ARHGAP10: variants seen among roughly 807,000 people sequenced by gnomAD.
The protein encoded by ARHGAP10 is Rho GTPase activating protein 10.
In ARHGAP10, 87 loss-of-function variants were observed where a neutral mutation model predicts 108.6. The ratio of observed to expected loss-of-function variants is 0.80; its 90% CI spans 0.67 to 0.96. The LOEUF (loss-of-function observed/expected upper bound fraction) is 0.96. Among genes scored for constraint, ARHGAP10 ranks in the 40% least tolerant of loss-of-function variants. The pLI is 0.00. For missense variants in ARHGAP10, 939 were observed against 954.5 expected (o/e 0.98, Z 0.21); for synonymous variants, 347 against 341.1 (o/e 1.02, Z -0.19).
intron 1 of ARHGAP10, among the ~76,000 whole-genome samples, chr4:147,793,776 C>A (rs78531415): frequency 6.6e-6 from 1 of 152,128 alleles, no homozygotes; most frequent in African/African-American, 2.4e-5. Context: ...TGCCTGTGTA[C>A]GTGCCTTCCC....
intron 18 of ARHGAP10, among the ~76,000 whole-genome samples, chr4:147,977,363 G>T (rs796172979): frequency 6.6e-6 from 1 of 152,074 alleles, no homozygotes; most frequent in African/African-American, 2.4e-5. Context: ...GGTAGTTTGG[G>T]TATATATGGG....
At chr4:147,741,792 G>GCACGCA (rs1553944880) in intron 1 of ARHGAP10, among the ~76,000 whole-genome samples, 3 of 57,576 alleles carry the variant, frequency 5.2e-5, no homozygotes, top group African/African-American at 1.0e-4. Flanking sequence ...ACACACACAC[G>GCACGCA]CACACACACA....
chr4:147,958,938 A>G (rs868208134), intron 16 of ARHGAP10, among the ~76,000 whole-genome samples: 1 of 152,076 alleles, frequency 6.6e-6, no homozygotes, highest in Admixed American at 6.6e-5. Flanking sequence ...TGCCTTTTCC[A>G]CTACAGTAAG....
At chr4:147,887,810 T>C (rs985080106) in intron 10 of ARHGAP10, among the ~76,000 whole-genome samples, 2 of 151,056 alleles carry the variant, frequency 1.3e-5, no homozygotes, top group African/African-American at 4.9e-5. Context: ...TGCAGTGAGC[T>C]GAGATGGCAC....
At chr4:148,068,381 C>A (rs572690963) in intron 22 of ARHGAP10, among the ~76,000 whole-genome samples, 1 of 152,276 alleles carries the variant, frequency 6.6e-6, no homozygotes, top group South Asian at 2.1e-4. Context: ...CTCAGATAGA[C>A]ACAGAATAAT....
At chr4:147,887,824 C>T (rs1340151504) in intron 10 of ARHGAP10, among the ~76,000 whole-genome samples, 6 of 151,236 alleles carry the variant, frequency 4.0e-5, no homozygotes, top group Admixed American at 3.3e-4. Flanking sequence ...ATGGCACCAC[C>T]GCACTCCAGC....
intron 15 of ARHGAP10, among the ~76,000 whole-genome samples, chr4:147,951,187 C>T (rs887050223): frequency 3.3e-5 from 5 of 152,240 alleles, no homozygotes; most frequent in African/African-American, 1.2e-4. Flanking sequence ...GATACAAATT[C>T]ATTTTTATTG....
intron 22 of ARHGAP10, among the ~76,000 whole-genome samples, chr4:148,071,461 C>T (rs986583221): frequency 6.6e-6 from 1 of 152,104 alleles, no homozygotes. Context: ...ACTAAAAATA[C>T]AAAAATTAGC....
chr4:147,890,313 T>C (rs1401856823), intron 10 of ARHGAP10, among the ~76,000 whole-genome samples: 1 of 152,222 alleles, frequency 6.6e-6, no homozygotes, highest in Non-Finnish European at 1.5e-5. Flanking sequence ...AATGGTTAGA[T>C]GGATGTGTGC....
intron 1 of ARHGAP10, among the ~76,000 whole-genome samples, chr4:147,768,485 C>G (rs1444192837): frequency 6.6e-6 from 1 of 151,656 alleles, no homozygotes; most frequent in African/African-American, 2.4e-5. Context: ...TGCCCCATCA[C>G]AGTGGTCTCC....
chr4:147,851,760 G>C (rs900964834), intron 4 of ARHGAP10, among the ~76,000 whole-genome samples: 3 of 152,206 alleles, frequency 2.0e-5, no homozygotes, highest in African/African-American at 7.2e-5. Flanking sequence ...CCTTCAGGAA[G>C]TTAGCAACTT....
intron 13 of ARHGAP10, among the ~76,000 whole-genome samples, chr4:147,924,989 T>G (rs562129349): frequency 6.6e-6 from 1 of 151,418 alleles, no homozygotes; most frequent in African/African-American, 2.4e-5. Flanking sequence ...TTTTTTAAAA[T>G]AGCAATTTAC....
intron 7 of ARHGAP10, among the ~76,000 whole-genome samples, chr4:147,874,512 C>T (rs1478658662): frequency 1.3e-5 from 2 of 152,112 alleles, no homozygotes; most frequent in African/African-American, 4.8e-5. Context: ...GTGCAATTGC[C>T]ATGACCTGGA....
At chr4:147,918,628 G>A (rs1737094415) in intron 13 of ARHGAP10, among the ~76,000 whole-genome samples, 1 of 152,182 alleles carries the variant, frequency 6.6e-6, no homozygotes, top group African/African-American at 2.4e-5. Flanking sequence ...GGACTTAGGG[G>A]CCCTTCATCT....
chr4:147,817,249 G>A (rs1228877366), intron 1 of ARHGAP10, among the ~76,000 whole-genome samples: 7 of 152,140 alleles, frequency 4.6e-5, no homozygotes, highest in East Asian at 1.9e-4. Context: ...GGAGTTAATA[G>A]TGACAACTTC....
intron 1 of ARHGAP10, among the ~76,000 whole-genome samples, chr4:147,753,518 G>T (rs1219482086): frequency 6.0e-4 from 84 of 139,144 alleles, no homozygotes; most frequent in East Asian, 3.5e-3. Context: ...TAATTTTTTG[G>T]TTTTTTTTTT....
In ARHGAP10 at chr4:148,017,652, C is replaced by CTATATATATATATA. The variant is rs35472561; in HGVS notation, c.1717-5593_1717-5580dup. Among the ~76,000 whole-genome samples the CTATATATATATATA allele has an allele frequency of 2.6e-3, 275 of 105,220 alleles. 4 individuals are homozygous for CTATATATATATATA. The highest frequency in any genetic ancestry group is 8.9e-3 in the African/African-American group (210 of 23,556). 69.0% of individuals were successfully genotyped at this position (105,220 alleles called of 152,430 possible). The stretch of plus-strand genomic sequence containing the variant: ...AGCTGTGACAGTTATGAGCCAGTAA[C>CTATATATATATATA]TATATATATATATATATATATATAT... On this transcript the variant is annotated intron_variant, in intron 18 of 22. Transcript: ENST00000336498.
chr4:147,854,259 A>C (rs1323617338), intron 4 of ARHGAP10, among the ~76,000 whole-genome samples: 1 of 152,222 alleles, frequency 6.6e-6, no homozygotes, highest in African/African-American at 2.4e-5. Flanking sequence ...TGTTGCCACC[A>C]TAAAAATCAT....
intron 13 of ARHGAP10, among the ~76,000 whole-genome samples, chr4:147,933,306 A>G (rs898819259): frequency 2.0e-5 from 3 of 152,152 alleles, no homozygotes; most frequent in Non-Finnish European, 2.9e-5. Flanking sequence ...ATAGCACACT[A>G]TGGCCTTGAA....
Sources: allele counts gnomAD v4.1 joint callset (sites outside exome capture counted in the v4.1 genomes callset), GRCh38; gene constraint gnomAD v4.1.1; transcripts MANE v1.5; gene names NCBI Gene and HGNC (gene_info 2026-07-23, HGNC 2026-07-21).